The following PTPRD variants were observed in gnomAD, a reference collection of about 807,000 sequenced individuals.
PTPRD encodes the protein receptor-type tyrosine-protein phosphatase delta.
PTPRD carries 34 observed loss-of-function variants against 214.5 expected under a neutral mutation model. The observed-to-expected ratio is 0.16, with a 90% CI of 0.12 to 0.21. The LOEUF (loss-of-function observed/expected upper bound fraction) is 0.21. PTPRD is among the 10% of genes least tolerant of loss of function. The pLI, the probability that PTPRD is intolerant of heterozygous loss-of-function variation, is 1.00. For missense variants in PTPRD, 2,545 were observed against 2,398.7 expected, an observed-to-expected ratio of 1.06 and a Z score of -1.27; for synonymous variants, 1,128 against 845.7, an observed-to-expected ratio of 1.33 and a Z score of -5.79.
chr9:9,017,638 A>C (rs958098749), intron 11 of PTPRD, among the ~76,000 whole-genome samples: 37 of 152,188 alleles, frequency 2.4e-4, no homozygotes, highest in African/African-American at 8.7e-4. Context: ...GAAATAAATC[A>C]AGAAACATTT....
At chr9:8,958,800 C>T in intron 11 of PTPRD, 1 of 151,972 alleles carries the variant, frequency 6.6e-6, no homozygotes, top group Non-Finnish European at 1.5e-5. Flanking sequence ...TTGCTACTGA[C>T]ATCATCCCAT....
chr9:9,933,246 A>G (rs1371519893), intron 5 of PTPRD, among the ~76,000 whole-genome samples: 16 of 152,382 alleles, frequency 1.0e-4, no homozygotes, highest in African/African-American at 3.1e-4. Context: ...TTAAATGTAA[A>G]TGGAGTACAT....
chr9:10,097,829 G>A (rs1563784509), intron 3 of PTPRD, among the ~76,000 whole-genome samples: 1 of 151,778 alleles, frequency 6.6e-6, no homozygotes, highest in Non-Finnish European at 1.5e-5. Context: ...TTTTCAAAGG[G>A]AATGCTTCCA....
At chr9:10,575,536 A>T (rs970369027) in intron 2 of PTPRD, among the ~76,000 whole-genome samples, 2 of 152,114 alleles carry the variant, frequency 1.3e-5, no homozygotes, top group African/African-American at 4.8e-5. Flanking sequence ...AAGCAAAAAA[A>T]GTCTTCTTTT....
At chr9:9,655,891 T>C (rs1407086595) in intron 7 of PTPRD, among the ~76,000 whole-genome samples, 2 of 151,950 alleles carry the variant, frequency 1.3e-5, no homozygotes, top group Admixed American at 6.6e-5. Flanking sequence ...GGTAGGAGAA[T>C]TGCTTAAACC....
rs79988192 is a variant in PTPRD at position 8,990,563 on chromosome 9, G to C, written c.-104+28134C>G. Among the ~76,000 whole-genome samples the C allele has an allele frequency of 2.0e-5, 3 of 152,234 alleles. No homozygotes were observed. The East Asian group carries it at 5.8e-4, about 30-fold the overall frequency. On this transcript the variant is annotated intron_variant, in intron 11 of 45. Transcript: ENST00000381196. ...GGCCCCTCATTCTGCCCCATGGCAAGTCACAGAAACAAGAATACCTCTTCC... is the reference window on the plus strand; with the variant it reads ...GGCCCCTCATTCTGCCCCATGGCAACTCACAGAAACAAGAATACCTCTTCC...
chr9:9,205,827 T>A (rs931454348), intron 9 of PTPRD, among the ~76,000 whole-genome samples: 1 of 152,210 alleles, frequency 6.6e-6, no homozygotes, highest in South Asian at 2.1e-4. Context: ...GCAGTTAACT[T>A]AATAATGTCA....
At chr9:9,875,739 A>T (rs539101554) in intron 5 of PTPRD, among the ~76,000 whole-genome samples, 2 of 152,278 alleles carry the variant, frequency 1.3e-5, no homozygotes, top group African/African-American at 4.8e-5. Flanking sequence ...TGGAATATTA[A>T]CCCTTTATAA....
intron 4 of PTPRD, among the ~76,000 whole-genome samples, chr9:9,998,129 A>AAAAAAAT (rs57991748): frequency 1.1e-5 from 1 of 91,496 alleles, no homozygotes; most frequent in African/African-American, 5.9e-5. Flanking sequence ...AAAAAAAAAA[A>AAAAAAAT]ATATATATAT....
At chr9:9,934,759 C>A (rs1288250225) in intron 5 of PTPRD, among the ~76,000 whole-genome samples, 1 of 151,750 alleles carries the variant, frequency 6.6e-6, no homozygotes, top group Non-Finnish European at 1.5e-5. Context: ...CAAAGCCGGG[C>A]AGAGACACAA....
At chr9:9,145,178 G>T (rs954537405) in intron 10 of PTPRD, among the ~76,000 whole-genome samples, 2 of 152,102 alleles carry the variant, frequency 1.3e-5, no homozygotes, top group African/African-American at 2.4e-5. Context: ...ATCTATCTTG[G>T]CCACTGTGAA....
At chr9:10,037,298 C>T (rs2097202556) in intron 3 of PTPRD, among the ~76,000 whole-genome samples, 1 of 152,042 alleles carries the variant, frequency 6.6e-6, no homozygotes, top group African/African-American at 2.4e-5. Context: ...GTGATTGTAT[C>T]AGGAGGGCAG....
chr9:10,570,388 G>C (rs1357154306), intron 2 of PTPRD, among the ~76,000 whole-genome samples: 2 of 152,134 alleles, frequency 1.3e-5, no homozygotes, highest in Non-Finnish European at 2.9e-5. Flanking sequence ...AACAAGATTA[G>C]ACATATCAGG....
chr9:10,092,347 C>G (rs544020446), intron 3 of PTPRD, among the ~76,000 whole-genome samples: 1 of 151,304 alleles, frequency 6.6e-6, no homozygotes, highest in South Asian at 2.1e-4. Context: ...GTGATAATGC[C>G]TAACTTGACA....
chr9:9,947,380 A>G (rs1360807371), intron 4 of PTPRD, among the ~76,000 whole-genome samples: 1 of 65,670 alleles, frequency 1.5e-5, no homozygotes, highest in Non-Finnish European at 2.6e-5. Context: ...TATATTATAT[A>G]TATTTTATAT....
intron 3 of PTPRD, among the ~76,000 whole-genome samples, chr9:10,300,021 T>C (rs139403037): frequency 6.6e-6 from 1 of 152,230 alleles, no homozygotes; most frequent in Admixed American, 6.5e-5. Context: ...CACTAATAAA[T>C]CCTATACATT....
At chr9:10,428,038 G>T (rs995757265) in intron 2 of PTPRD, among the ~76,000 whole-genome samples, 1 of 151,876 alleles carries the variant, frequency 6.6e-6, no homozygotes, top group Non-Finnish European at 1.5e-5. Flanking sequence ...GTTCCTGGAC[G>T]GGCACGGTGG....
At chr9:9,618,500 A>C (rs2095042349) in intron 7 of PTPRD, among the ~76,000 whole-genome samples, 1 of 152,168 alleles carries the variant, frequency 6.6e-6, no homozygotes, top group African/African-American at 2.4e-5. Flanking sequence ...GACACTGCAG[A>C]GGAGAGGACA....
intron 21 of PTPRD, among the ~76,000 whole-genome samples, chr9:8,508,774 T>C (rs1384304809): frequency 3.3e-5 from 5 of 152,310 alleles, no homozygotes; most frequent in Middle Eastern, 3.4e-3. Context: ...CTGTGTACTA[T>C]GGCTTTAAAA....
Sources: gnomAD v4.1 joint callset for allele counts (sites outside exome capture counted in the v4.1 genomes callset) on GRCh38, gnomAD v4.1.1 for gene constraint, MANE v1.5 for transcripts, NCBI Gene and HGNC (gene_info 2026-07-23, HGNC 2026-07-21) for gene names.